LASP1: variants seen among roughly 807,000 people sequenced by gnomAD.
The protein encoded by LASP1 is LIM and SH3 domain protein 1.
In LASP1, 10 loss-of-function variants were observed where a neutral mutation model predicts 38.6. That is an observed-to-expected ratio of 0.26 (90% CI 0.16 to 0.44). The LOEUF is 0.44. Among genes scored for constraint, LASP1 ranks in the 20% least tolerant of loss-of-function variants. The pLI, the probability that LASP1 is intolerant of heterozygous loss-of-function variation, is 1.00. For synonymous variants in LASP1, 132 were observed against 140.8 expected, an observed-to-expected ratio of 0.94 and a Z score of 0.44; for missense variants, 243 against 375.7, an observed-to-expected ratio of 0.65 and a Z score of 2.92.
rs1598124804 is a variant in LASP1, at chr17:38,918,050, G to C, written c.613-555G>C. Among the ~76,000 whole-genome samples, 1 of 151,130 alleles carries C rather than the reference G, an allele frequency of 6.6e-6. No homozygotes were observed. The highest frequency in any genetic ancestry group is 2.0e-4 in the East Asian group (1 of 5,078). ...AGCTACTTGGGAGGCTGAGGCAGGA[G>C]AATCGCTTGAACCCGGGAGGCGGAT... On this transcript the variant is annotated intron_variant, in intron 6 of 6. Transcript: ENST00000318008. The surrounding 1 kb of genome is among the most constrained non-coding windows in gnomAD (Gnocchi z 4.4).
chr17:38,891,496 C>T (rs1249008662), intron 3 of LASP1, among the ~76,000 whole-genome samples: 1 of 152,160 alleles, frequency 6.6e-6, no homozygotes, highest in Non-Finnish European at 1.5e-5. Context: ...GTGCTATCTT[C>T]CCCATTGTTA....
In LASP1 at chr17:38,915,143, C is replaced by T. The variant is rs1280541001; in HGVS notation, c.609C>T (p.Gly203=). The part of the protein sequence containing the change: ...VSIQRSAPGG[G]GKRYRAVYDY... ...TACAGCGCAGCGCCCCAGGTGGTGGCGGGGTGAGTAACCCTGGCCGGAGGG... is the reference window on the plus strand; with the variant it reads ...TACAGCGCAGCGCCCCAGGTGGTGGTGGGGTGAGTAACCCTGGCCGGAGGG... The change falls in exon 6 of 7, where the codon GGC becomes GGT. Residue 203 remains glycine, a synonymous_variant. Transcript: ENST00000318008. 15 of 1,613,456 alleles carry T rather than the reference C, an allele frequency of 9.3e-6. No homozygotes were observed. The highest frequency in any genetic ancestry group is 4.5e-5 in the East Asian group (2 of 44,864).
rs966929491 is a variant in LASP1, at chr17:38,920,782, T to C, written c.*2004T>C. 1.3e-5 allele frequency: 3 copies of C among 232,688 alleles called. No individual in the cohort carries two copies. Among genetic ancestry groups the C allele is most frequent in the Non-Finnish European group, 2.6e-5 (3 of 117,604 alleles). 14.4% of individuals were successfully genotyped at this position (232,688 alleles called of 1,614,324 possible). Reference sequence around the variant, plus strand: ...AGTGGAATATCTTATATTGGGCGATTTGGGGGCTCGGGGAGGCAGAGAATC... The same window carrying C: ...AGTGGAATATCTTATATTGGGCGATCTGGGGGCTCGGGGAGGCAGAGAATC... On this transcript the variant is annotated 3_prime_UTR_variant, in exon 7 of 7. Transcript: ENST00000318008.
chr17:38,900,086 T>C (rs1438428475), intron 4 of LASP1, among the ~76,000 whole-genome samples: 1 of 147,652 alleles, frequency 6.8e-6, no homozygotes, highest in Non-Finnish European at 1.5e-5. Context: ...CCTCACATAA[T>C]ACAGCCCCTT....
At chr17:38,909,614 A>G (rs1699673279) in intron 4 of LASP1, among the ~76,000 whole-genome samples, 1 of 152,076 alleles carries the variant, frequency 6.6e-6, no homozygotes, top group African/African-American at 2.4e-5. Flanking sequence ...CTCAAAAAAA[A>G]AAAAGAAAGA....
At chr17:38,906,653 C>T (rs1232422149) in intron 4 of LASP1, among the ~76,000 whole-genome samples, 2 of 152,202 alleles carry the variant, frequency 1.3e-5, no homozygotes, top group Admixed American at 1.3e-4. Context: ...GCTGTTCCCT[C>T]GTTCACTGTG....
Position 38,883,733 on chromosome 17 carries a change from G to A in LASP1, c.164+5553G>A, listed in dbSNP as rs1185137598. Among the ~76,000 whole-genome samples the A allele has an allele frequency of 2.1e-5, 3 of 140,950 alleles. No individual in the cohort carries two copies. In the Admixed American group the frequency reaches 2.3e-4, roughly 11 times the overall value. 92.5% of individuals were successfully genotyped at this position (140,950 alleles called of 152,430 possible). A position where few individuals can be genotyped will look rare whatever the true frequency, so the allele number is the denominator to read the frequency against. On this transcript the variant is annotated intron_variant, in intron 2 of 6. Coordinates refer to ENST00000318008, the MANE Select transcript of LASP1 (RefSeq NM_006148.4). ...GTTTCTCTTCTATATTACCGACAGG[G>A]GCAGGCTTTTTTTTTTTTTTTTTTC...
intron 1 of LASP1, chr17:38,873,855 T>C (rs938207329): frequency 6.6e-6 from 1 of 152,274 alleles, no homozygotes; most frequent in Non-Finnish European, 1.5e-5. Context: ...CCCTGAGTCA[T>C]GGCCACCCCA....
At chr17:38,896,031 C>T (rs143842351) in intron 3 of LASP1, among the ~76,000 whole-genome samples, 9 of 152,202 alleles carry the variant, frequency 5.9e-5, no homozygotes, top group Non-Finnish European at 7.4e-5. Flanking sequence ...TGACCTTGGG[C>T]AGGTCCCTTC....
chr17:38,920,542 CT>C lies in LASP1; in HGVS notation c.*1766del, dbSNP rs1469315439. ...CCCAACCAGGCCCTGCCATTGGCCT[CT>C]TGTCCCTTGGCACACTTGTACCCAC... On this transcript the variant is annotated 3_prime_UTR_variant, in exon 7 of 7. Transcript: ENST00000318008. The C allele has an allele frequency of 2.7e-5, 7 of 255,344 alleles. No individual in the cohort carries two copies. Among genetic ancestry groups the C allele is most frequent in the Non-Finnish European group, 4.6e-5 (6 of 129,612 alleles). 15.8% of individuals were successfully genotyped at this position (255,344 alleles called of 1,614,324 possible).
intron 4 of LASP1, among the ~76,000 whole-genome samples, chr17:38,913,671 G>C (rs1915020861): frequency 6.6e-6 from 1 of 152,078 alleles, no homozygotes; most frequent in African/African-American, 2.4e-5. Context: ...GACCCAGGCG[G>C]AAACAGAGCA....
Position 38,878,066 on chromosome 17 carries a change from C to T in LASP1, c.70-20C>T, listed in dbSNP as rs773650898. The T allele has an allele frequency of 6.3e-7, 1 of 1,584,546 alleles. No homozygotes were observed. Among genetic ancestry groups the T allele is most frequent in the Non-Finnish European group, 8.7e-7 (1 of 1,153,196 alleles). ...AGAAGTCCTGGTATCTGATGTATGT[C>T]CTCCTGTCTCCATCCCCAGTTCTGG... On this transcript the variant is annotated intron_variant, in intron 1 of 6. Coordinates refer to ENST00000318008, the MANE Select transcript of LASP1 (RefSeq NM_006148.4).
intron 6 of LASP1, among the ~76,000 whole-genome samples, chr17:38,917,470 T>C (rs1325111651): frequency 6.6e-6 from 1 of 152,110 alleles, no homozygotes; most frequent in African/African-American, 2.4e-5. Context: ...TTGTGTGCCT[T>C]ACTGAACATT....
At chr17:38,902,440 T>C (rs4795319) in intron 4 of LASP1, among the ~76,000 whole-genome samples, 89,648 of 144,564 alleles carry the variant, frequency 0.62, 28,622 homozygotes, top group Non-Finnish European at 0.7. Context: ...CTCCTGGACT[T>C]AAGTGATCCG....
chr17:38,908,458 C>G (rs554157733), intron 4 of LASP1, among the ~76,000 whole-genome samples: 1 of 152,216 alleles, frequency 6.6e-6, no homozygotes, highest in South Asian at 2.1e-4. Flanking sequence ...TCACCTTCTG[C>G]GCTGGGTCTG....
chr17:38,876,755 C>T (rs1254785535), intron 1 of LASP1, among the ~76,000 whole-genome samples: 3 of 144,238 alleles, frequency 2.1e-5, no homozygotes, highest in East Asian at 2.1e-4. Context: ...TTTTTTGAGA[C>T]GGAGTCTTGC....
Position 38,915,120 on chromosome 17 carries a change from C to G in LASP1, c.586C>G (p.Gln196Glu). 6.2e-7 allele frequency: 1 copy of G among 1,613,946 alleles called. No individual in the cohort carries two copies. The change falls in exon 6 of 7, where the codon CAG (glutamine) becomes GAG (glutamate). Residue 196 changes from glutamine (Q) to glutamate (E), a missense_variant. Around this residue, in one of 4 missense-constraint regions of LASP1, gnomAD observed 165 missense variants for 210.3 expected, o/e 0.78. Coordinates refer to ENST00000318008, the MANE Select transcript of LASP1 (RefSeq NM_006148.4). ...YKEPAAPVSI[Q>E]RSAPGGGGKR... ...GGAGCCTGCAGCCCCAGTCTCCATA[C>G]AGCGCAGCGCCCCAGGTGGTGGCGG... is the stretch of plus-strand genomic sequence containing the variant.
At chr17:38,881,924 T>G (rs1913963185) in intron 2 of LASP1, among the ~76,000 whole-genome samples, 1 of 152,236 alleles carries the variant, frequency 6.6e-6, no homozygotes, top group East Asian at 1.9e-4. Context: ...AAGTAGGCAG[T>G]GAAAAGGCCT....
At chr17:38,885,039 G>A (rs1397709696) in intron 2 of LASP1, among the ~76,000 whole-genome samples, 2 of 152,150 alleles carry the variant, frequency 1.3e-5, no homozygotes, top group African/African-American at 4.8e-5. Flanking sequence ...GTGGCTGAGA[G>A]GCCCCAGAAT....
Sources: gnomAD v4.1 joint callset for allele counts (sites outside exome capture counted in the v4.1 genomes callset) on GRCh38, gnomAD v4.1.1 for gene constraint, gnomAD v4.1.1 regional missense constraint, Gnocchi (gnomAD v3.1) non-coding constraint, MANE v1.5 for transcripts, NCBI Gene and HGNC (gene_info 2026-07-23, HGNC 2026-07-21) for gene names.